Variants in PSMG2 observed in about 807,000 individuals in gnomAD.
PSMG2 encodes the protein proteasome assembly chaperone 2, also known as CD40 ligand-activated specific transcript 3.
PSMG2 carries 21 observed loss-of-function variants against 31.5 expected under a neutral mutation model. The ratio of observed to expected loss-of-function variants is 0.67; its 90% confidence interval spans 0.47 to 0.96. The LOEUF is 0.96. PSMG2 is among the 40% of genes least tolerant of loss of function. The pLI is 0.00. For synonymous variants in PSMG2, 120 were observed against 110.4 expected, an observed-to-expected ratio of 1.09 and a Z score of -0.54; for missense variants, 318 against 321.2, an observed-to-expected ratio of 0.99 and a Z score of 0.08.
At chr18:12,680,809 G>A in intron 1 of PSMG2, 1 of 1,610,534 alleles carries the variant, frequency 6.2e-7, no homozygotes, top group South Asian at 1.1e-5. Context: ...CAGAAGGTTA[G>A]CGTGATCTTC....
At chr18:12,702,734 C>A (rs953956709), upstream of PSMG2, 3 of 630,394 alleles carry the variant, frequency 4.8e-6, no homozygotes, top group African/African-American at 1.9e-5. Flanking sequence ...GAGGCCCCGG[C>A]GGCGGCGGCG....
At chr18:12,698,864 A>G (rs1469482278), upstream of PSMG2, 3 of 728,836 alleles carry the variant, frequency 4.1e-6, no homozygotes, top group Non-Finnish European at 4.5e-6. Context: ...GGGAAACAAA[A>G]TAGAGATTCC....
Position 12,717,052 on chromosome 18 carries a change from T to G in PSMG2, c.289-1465T>G, listed in dbSNP as rs544792210. Reference sequence around the variant, plus strand: ...ACAGCCCTGACCTCCGAGGCTCAAATGATCCTCCCACCTCAGCCTCCTGAG... The same window carrying G: ...ACAGCCCTGACCTCCGAGGCTCAAAGGATCCTCCCACCTCAGCCTCCTGAG... On this transcript the variant is annotated intron_variant, in intron 3 of 6. Coordinates refer to ENST00000317615, the MANE Select transcript of PSMG2 (RefSeq NM_020232.5). Among the ~76,000 whole-genome samples, 135 of 149,284 alleles carry G rather than the reference T, an allele frequency of 9.0e-4. 1 individual carries two copies. The highest frequency in any genetic ancestry group is 3.2e-3 in the African/African-American group (128 of 40,500).
chr18:12,722,981 A>G (rs2040444525), intron 5 of PSMG2, among the ~76,000 whole-genome samples: 2 of 152,238 alleles, frequency 1.3e-5, no homozygotes, highest in Non-Finnish European at 2.9e-5. Flanking sequence ...CAGAGCTCAT[A>G]GTGGTTCCAT....
At chr18:12,659,157 A>T (rs2038642642) in intron 1 of PSMG2, among the ~76,000 whole-genome samples, 1 of 152,242 alleles carries the variant, frequency 6.6e-6, no homozygotes, top group African/African-American at 2.4e-5. Flanking sequence ...TGTTGAAAGC[A>T]TCAACCAAAT....
rs763843069 is a variant in PSMG2 at position 12,703,062 on chromosome 18, C to T, written c.-46C>T. ...CTTCCGCCTTCTTGCTGCCCTCGTTCTTGCCAGGGCCGCGGTTAGTCCCTG... is the reference window on the plus strand; with the variant it reads ...CTTCCGCCTTCTTGCTGCCCTCGTTTTTGCCAGGGCCGCGGTTAGTCCCTG... On this transcript the variant is annotated 5_prime_UTR_variant, in exon 1 of 7. Transcript: ENST00000317615. 8.1e-6 allele frequency: 13 copies of T among 1,596,542 alleles called. No homozygotes were observed. Among genetic ancestry groups the T allele is most frequent in the East Asian group, 6.8e-5 (3 of 43,952 alleles).
chr18:12,686,182 G>C, intron 1 of PSMG2: 1 of 1,169,344 alleles, frequency 8.6e-7, no homozygotes, highest in Non-Finnish European at 1.2e-6. Flanking sequence ...ATTTTTCTAA[G>C]GCATTCTTTT....
At chr18:12,710,027 C>G (rs1015957554) in intron 2 of PSMG2, among the ~76,000 whole-genome samples, 5 of 151,378 alleles carry the variant, frequency 3.3e-5, no homozygotes, top group Non-Finnish European at 7.4e-5. Context: ...ACTGCAAGCT[C>G]TGCCTCCCGG....
chr18:12,660,165 C>T (rs2038666927), intron 1 of PSMG2, among the ~76,000 whole-genome samples: 1 of 152,098 alleles, frequency 6.6e-6, no homozygotes, highest in Non-Finnish European at 1.5e-5. Context: ...AATCTATGAG[C>T]CATTAACCTG....
chr18:12,724,245 A>T (rs2040455149), intron 5 of PSMG2: 3 of 372,004 alleles, frequency 8.1e-6, no homozygotes, highest in African/African-American at 2.1e-5. Context: ...GTAGCCAAGG[A>T]CAGAAAGGCT....
chr18:12,692,443 C>A (rs1176683772), intron 1 of PSMG2: 1 of 152,498 alleles, frequency 6.6e-6, no homozygotes, highest in African/African-American at 2.4e-5. Flanking sequence ...CCCCAACCCA[C>A]TACGCTCTAG....
intron 1 of PSMG2, among the ~76,000 whole-genome samples, chr18:12,686,951 A>T (rs2039561057): frequency 6.6e-6 from 1 of 152,222 alleles, no homozygotes. Context: ...ATAATTTGTT[A>T]ACCAAGTCAA....
chr18:12,675,891 A>G (rs1028379192), intron 1 of PSMG2, among the ~76,000 whole-genome samples: 4 of 151,194 alleles, frequency 2.6e-5, no homozygotes, highest in Non-Finnish European at 5.9e-5. Context: ...CTGGTCTCAA[A>G]CTCCTGACCT....
Position 12,718,600 on chromosome 18 carries a change from T to C in PSMG2, c.372T>C (p.Ser124=), listed in dbSNP as rs141115445. Reference sequence around the variant, plus strand: ...CCAGAGTCATTGTTCTTTCAAGCAGTCATTCATATCAGCGTAATGATCTGC... The same window carrying C: ...CCAGAGTCATTGTTCTTTCAAGCAGCCATTCATATCAGCGTAATGATCTGC... ...GCARVIVLSS[S]HSYQRNDLQL... Residue 124 remains serine, a synonymous_variant, in exon 4 of 7, where the codon AGT becomes AGC. Coordinates refer to ENST00000317615, the MANE Select transcript of PSMG2 (RefSeq NM_020232.5). The C allele has an allele frequency of 3.0e-4, 485 of 1,610,644 alleles. No individual in the cohort carries two copies. Among genetic ancestry groups the C allele is most frequent in the Non-Finnish European group, 3.9e-4 (455 of 1,177,896 alleles).
intron 1 of PSMG2, among the ~76,000 whole-genome samples, chr18:12,667,061 C>T (rs971739299): frequency 2.6e-5 from 4 of 151,502 alleles, no homozygotes; most frequent in Admixed American, 1.3e-4. Flanking sequence ...TATATGGAAA[C>T]CCTAAAGCAA....
chr18:12,697,105 G>A (rs1206922561), intron 1 of PSMG2: 4 of 725,614 alleles, frequency 5.5e-6, no homozygotes, highest in Admixed American at 3.3e-5. Context: ...TAACTCTAAC[G>A]AAATTCTATT....
At chr18:12,662,349 A>T (rs1260793849) in intron 1 of PSMG2, among the ~76,000 whole-genome samples, 1 of 152,228 alleles carries the variant, frequency 6.6e-6, no homozygotes, top group African/African-American at 2.4e-5. Flanking sequence ...TATCTTACAG[A>T]AGAGAAAATA....
At chr18:12,693,016 G>A (rs1287992857) in intron 1 of PSMG2, among the ~76,000 whole-genome samples, 3 of 152,090 alleles carry the variant, frequency 2.0e-5, no homozygotes, top group African/African-American at 4.8e-5. Flanking sequence ...TAGAGATGAA[G>A]TCTACCTATG....
At chr18:12,683,904 AAAT>A (rs959250305) in intron 1 of PSMG2, among the ~76,000 whole-genome samples, 2 of 151,848 alleles carry the variant, frequency 1.3e-5, no homozygotes, top group African/African-American at 4.8e-5. Context: ...ATATAAAAAG[AAAT>A]AATAAACTAG....
Sources: gnomAD v4.1 joint callset for allele counts (sites outside exome capture counted in the v4.1 genomes callset) on GRCh38, gnomAD v4.1.1 for gene constraint, MANE v1.5 for transcripts, NCBI Gene and HGNC (gene_info 2026-07-23, HGNC 2026-07-21) for gene names.